Variants in DLG2 observed in about 807,000 individuals in gnomAD.
DLG2 encodes the protein discs large MAGUK scaffold protein 2, also known as disks large homolog 2.
In DLG2, 45 loss-of-function variants were observed where a neutral mutation model predicts 132.5. That is an observed-to-expected ratio of 0.34 (90% CI 0.27 to 0.44). The LOEUF (loss-of-function observed/expected upper bound fraction) is 0.44, where lower values mean the gene tolerates loss of function less well. DLG2 is among the 20% of genes least tolerant of loss of function. The pLI is 1.00. For synonymous variants in DLG2, 424 were observed against 419.6 expected (o/e 1.01, Z -0.13); for missense variants, 1,045 against 1,196.9 (o/e 0.87, Z 1.87).
intron 6 of DLG2, among the ~76,000 whole-genome samples, chr11:84,621,687 C>T (rs2099614238): frequency 6.6e-6 from 1 of 152,050 alleles, no homozygotes; most frequent in Admixed American, 6.5e-5. Flanking sequence ...ATTGGTTGGT[C>T]AGTTCCTACT....
At chr11:85,149,879 T>A (rs1441529182) in intron 5 of DLG2, among the ~76,000 whole-genome samples, 2 of 151,884 alleles carry the variant, frequency 1.3e-5, no homozygotes, top group South Asian at 4.2e-4. Context: ...TTTAGCAGAG[T>A]GACAATAAAC....
intron 3 of DLG2, among the ~76,000 whole-genome samples, chr11:85,513,046 G>A (rs1049580550): frequency 2.6e-5 from 4 of 151,936 alleles, no homozygotes; most frequent in East Asian, 1.9e-4. Flanking sequence ...TTGCACCAAC[G>A]TGGATGCAGC....
At chr11:84,317,191 A>C (rs1314487977) in intron 7 of DLG2, 2 of 1,560,370 alleles carry the variant, frequency 1.3e-6, no homozygotes, top group African/African-American at 2.7e-5. Flanking sequence ...CTGCACAGAA[A>C]TGTCTCCTCC....
intron 6 of DLG2, among the ~76,000 whole-genome samples, chr11:84,549,784 C>T (rs2099398032): frequency 6.6e-6 from 1 of 151,976 alleles, no homozygotes; most frequent in South Asian, 2.1e-4. Context: ...GATGGAGTCT[C>T]GCTCTGTCAC....
chr11:84,057,012 C>A (rs2096513850), intron 11 of DLG2, among the ~76,000 whole-genome samples: 1 of 152,044 alleles, frequency 6.6e-6, no homozygotes. Context: ...TCACTTGTAA[C>A]CCCATCTCCC....
At chr11:83,742,471 T>C (rs1419878979) in intron 18 of DLG2, among the ~76,000 whole-genome samples, 2 of 152,116 alleles carry the variant, frequency 1.3e-5, no homozygotes, top group Middle Eastern at 3.2e-3. Flanking sequence ...CTTCTATCAT[T>C]TGTGTTAGCA....
At chr11:84,110,737 T>A (rs946637295) in intron 9 of DLG2, among the ~76,000 whole-genome samples, 3 of 152,178 alleles carry the variant, frequency 2.0e-5, no homozygotes, top group African/African-American at 7.2e-5. Flanking sequence ...AACTCAAGAA[T>A]AGATTTCAGA....
intron 19 of DLG2, among the ~76,000 whole-genome samples, chr11:83,609,185 A>G (rs144424880): frequency 2.4e-3 from 364 of 152,352 alleles, no homozygotes; most frequent in Middle Eastern, 0.014. Context: ...CATTATGGGC[A>G]CAAATGGCCT....
At chr11:84,751,711 G>T (rs2066137053) in intron 6 of DLG2, among the ~76,000 whole-genome samples, 1 of 152,166 alleles carries the variant, frequency 6.6e-6, no homozygotes, top group South Asian at 2.1e-4. Context: ...ACTTGAATTT[G>T]TTTTTTAAGT....
intron 3 of DLG2, among the ~76,000 whole-genome samples, chr11:85,380,343 A>G (rs1438200168): frequency 6.6e-6 from 1 of 152,214 alleles, no homozygotes; most frequent in Non-Finnish European, 1.5e-5. Flanking sequence ...CTGGTCAACT[A>G]TACTGAATAA....
intron 10 of DLG2, among the ~76,000 whole-genome samples, chr11:84,062,317 CATAA>C (rs2096604248): frequency 6.6e-6 from 1 of 152,034 alleles, no homozygotes; most frequent in African/African-American, 2.4e-5. Context: ...TTCAGTATCC[CATAA>C]AAGGAGAGAG....
At chr11:83,587,372 T>G (rs2097103731) in intron 19 of DLG2, among the ~76,000 whole-genome samples, 1 of 151,994 alleles carries the variant, frequency 6.6e-6, no homozygotes, top group Non-Finnish European at 1.5e-5. Context: ...CATGCTCAAG[T>G]GATCCTCCCA....
At chr11:84,417,493 C>T (rs17808097) in intron 7 of DLG2, among the ~76,000 whole-genome samples, 4,851 of 152,242 alleles carry the variant, frequency 0.032, 138 homozygotes, top group South Asian at 0.16. Context: ...AGTCCCTCAT[C>T]GGTACTTTCC....
chr11:84,961,839 G>C (rs147889871), intron 6 of DLG2, among the ~76,000 whole-genome samples: 1 of 152,222 alleles, frequency 6.6e-6, no homozygotes, highest in African/African-American at 2.4e-5. Context: ...TGAAACTGAA[G>C]AAAGGAGTCC....
chr11:84,340,845 A>G (rs1475513669), intron 7 of DLG2, among the ~76,000 whole-genome samples: 1 of 152,168 alleles, frequency 6.6e-6, no homozygotes, highest in East Asian at 1.9e-4. Flanking sequence ...CACTCTTGCA[A>G]TCAAGTAGAA....
chr11:84,491,360 T>A (rs561235012), intron 7 of DLG2, among the ~76,000 whole-genome samples: 1 of 152,190 alleles, frequency 6.6e-6, no homozygotes, highest in Non-Finnish European at 1.5e-5. Context: ...GCCATCCACG[T>A]AAGATGTGAC....
At chr11:83,931,142 T>C (rs1272443259) in intron 14 of DLG2, among the ~76,000 whole-genome samples, 1 of 152,190 alleles carries the variant, frequency 6.6e-6, no homozygotes, top group Non-Finnish European at 1.5e-5. Context: ...CTACTACAAA[T>C]GCTAATATAT....
intron 2 of DLG2, among the ~76,000 whole-genome samples, chr11:85,620,152 TTTTA>T (rs1204180079): frequency 2.0e-5 from 3 of 152,200 alleles, no homozygotes; most frequent in Non-Finnish European, 4.4e-5. Flanking sequence ...TTCATTAGTC[TTTTA>T]TTTGTTACAG....
chr11:84,646,992 G>A (rs1195139329), intron 6 of DLG2, among the ~76,000 whole-genome samples: 1 of 152,064 alleles, frequency 6.6e-6, no homozygotes, highest in Admixed American at 6.6e-5. Context: ...TAGGTATTGA[G>A]AGAGTAAGAC....
Sources: allele counts gnomAD v4.1 joint callset (sites outside exome capture counted in the v4.1 genomes callset), GRCh38; gene constraint gnomAD v4.1.1; transcripts MANE v1.5; gene names NCBI Gene and HGNC (gene_info 2026-07-23, HGNC 2026-07-21).